Variants in FOSB observed in about 807,000 individuals in gnomAD.
FOSB encodes the protein protein FosB.
FOSB carries 8 observed loss-of-function variants against 31.1 expected under a neutral mutation model. That is an observed-to-expected ratio of 0.26 (90% CI 0.15 to 0.46). The LOEUF is 0.46. FOSB is among the 20% of genes least tolerant of loss of function. The pLI is 0.99. For missense variants in FOSB, 376 were observed against 460.6 expected (o/e 0.82, Z 1.68); for synonymous variants, 214 against 206.1 (o/e 1.04, Z -0.33).
In FOSB at chr19:45,468,801, G is replaced by T; in HGVS notation, c.126+89G>T. 7.3e-7 allele frequency: 1 copy of T among 1,371,090 alleles called. No homozygotes were observed. The highest frequency in any genetic ancestry group is 9.7e-7 in the Non-Finnish European group (1 of 1,026,946). The allele number at this position is 1,371,090 out of a possible 1,614,324, so 84.9% of individuals were successfully genotyped here. ...AATAAACCCCAACCCCCACAAAAAGGCGCATCAGAACCCTAGATCTGAGAT... is the reference window on the plus strand; with the variant it reads ...AATAAACCCCAACCCCCACAAAAAGTCGCATCAGAACCCTAGATCTGAGAT... On this transcript the variant is annotated intron_variant, in intron 1 of 3. Transcript: ENST00000353609. The surrounding 1 kb of genome is among the most constrained non-coding windows in gnomAD (Gnocchi z 4.8).
At position 45,475,027 on chromosome 19, in the gene FOSB, A is replaced by G. The variant is rs1224189611; in HGVS notation, c.*2015A>G. 4 of 152,282 alleles carry G rather than the reference A, an allele frequency of 2.6e-5. No homozygotes were observed. The allele number at this position is 152,282 out of a possible 1,614,324, so 9.4% of individuals were successfully genotyped here. On this transcript the variant is annotated 3_prime_UTR_variant, in exon 4 of 4. Coordinates refer to ENST00000353609, the MANE Select transcript of FOSB (RefSeq NM_006732.3). Reference sequence around the variant, plus strand: ...GGCTTGCTCCTGCCAACCACAATTCAATGAATCCCCGACCCCCCTACCCCA... The same window carrying G: ...GGCTTGCTCCTGCCAACCACAATTCGATGAATCCCCGACCCCCCTACCCCA...
rs1364858050 is a variant in FOSB, at chr19:45,470,877, C to T, written c.375C>T (p.Thr125=). The T allele has an allele frequency of 6.2e-7, 1 of 1,614,012 alleles. No homozygotes were observed. Among genetic ancestry groups the T allele is most frequent in the East Asian group, 2.2e-5 (1 of 44,870 alleles). ...GGASGSGGPS[T]SGTTSGPGPA... ...CGAGTGGCAGTGGTGGGCCTTCCAC[C>T]AGCGGAACTACCAGTGGGCCTGGGC... Residue 125 remains threonine, a synonymous_variant, in exon 2 of 4, where the codon ACC becomes ACT. Transcript: ENST00000353609.
Position 45,468,248 on chromosome 19 carries a change from A to T in FOSB, c.-339A>T. The T allele has an allele frequency of 4.9e-6, 1 of 203,376 alleles. No homozygotes were observed. Among genetic ancestry groups the T allele is most frequent in the Non-Finnish European group, 9.8e-6 (1 of 101,932 alleles). 12.6% of individuals were successfully genotyped at this position (203,376 alleles called of 1,614,324 possible). ...GGACGCGTGGAGGAGACCGTAGCTG[A>T]AGCTGATTCTGTACAGCGGGACAGC... On this transcript the variant is annotated 5_prime_UTR_variant, in exon 1 of 4. Coordinates refer to ENST00000353609, the MANE Select transcript of FOSB (RefSeq NM_006732.3). The surrounding 1 kb of genome is among the most constrained non-coding windows in gnomAD (Gnocchi z 4.8).
Position 45,470,826 on chromosome 19 carries a change from C to T in FOSB, c.324C>T (p.Gly108=), listed in dbSNP as rs369628703. ...DMPGTSYSTP[G]MSGYSSGGAS... is the part of the protein sequence containing the mutation. ...CGGGAACCAGCTACTCCACACCAGG[C>T]ATGAGTGGCTACAGCAGTGGCGGAG... Residue 108 remains glycine (G), a synonymous_variant, in exon 2 of 4, where the codon GGC becomes GGT. Coordinates refer to ENST00000353609, the MANE Select transcript of FOSB (RefSeq NM_006732.3). 3.1e-6 allele frequency: 5 copies of T among 1,613,992 alleles called. No individual in the cohort carries two copies. In the African/African-American group the frequency reaches 6.7e-5, roughly 22 times the overall value.
chr19:45,470,467 G>A, intron 1 of FOSB, 162 bp from the exon 2 acceptor site: 1 of 679,132 alleles, frequency 1.5e-6, no homozygotes, highest in Non-Finnish European at 2.5e-6. Context: ...ACGGTGTAGT[G>A]GAAGGGTGGG....
Position 45,473,014 on chromosome 19 carries a change from C to A in FOSB, c.*2C>A. ...TCGCCCTCCCTCCTCGCTCTGTGAA[C>A]TCTTTAGACACACAAAACAAACAAA... On this transcript the variant is annotated 3_prime_UTR_variant, in exon 4 of 4. Transcript: ENST00000353609. 6.2e-7 allele frequency: 1 copy of A among 1,604,358 alleles called. No homozygotes were observed. The highest frequency in any genetic ancestry group is 1.1e-5 in the South Asian group (1 of 90,914).
Position 45,473,230 on chromosome 19 carries a change from C to G in FOSB, c.*218C>G, listed in dbSNP as rs1453376472. 1 of 471,768 alleles carries G rather than the reference C, an allele frequency of 2.1e-6. No homozygotes were observed. The highest frequency in any genetic ancestry group is 2.4e-5 in the South Asian group (1 of 41,350). The allele number at this position is 471,768 out of a possible 1,614,324, so 29.2% of individuals were successfully genotyped here. On this transcript the variant is annotated 3_prime_UTR_variant, in exon 4 of 4. Transcript: ENST00000353609. Reference sequence around the variant, plus strand: ...TCTTGTTTCTGTGCCCCGGCGAGGCCGGAGAGCTGGTGACTTTGGGGACAG... The same window carrying G: ...TCTTGTTTCTGTGCCCCGGCGAGGCGGGAGAGCTGGTGACTTTGGGGACAG...
rs1381744417 is a variant in FOSB, at chr19:45,472,974, T to C, written c.979T>C (p.Ser327Pro). ...AQRTSGSDQP[S>P]DPLNSPSLLA... The stretch of plus-strand genomic sequence containing the variant: ...ACGCACCAGCGGCAGTGACCAGCCT[T>C]CCGATCCCCTGAACTCGCCCTCCCT... The change falls in exon 4 of 4, where the codon TCC (serine) becomes CCC (proline). Residue 327 changes from serine to proline, a missense_variant. Around this residue, in one of 3 missense-constraint regions of FOSB, gnomAD observed 148 missense variants for 170.0 expected, o/e 0.87. Transcript: ENST00000353609. This position sits in a 1 kb window ranked among gnomAD's most constrained non-coding sequence, Gnocchi z 5.4. 1 of 1,612,248 alleles carries C rather than the reference T, an allele frequency of 6.2e-7. No homozygotes were observed. The highest frequency in any genetic ancestry group is 8.5e-7 in the Non-Finnish European group (1 of 1,180,008).
In FOSB at chr19:45,472,321, C is replaced by T. The variant is rs942575602; in HGVS notation, c.556-230C>T. Among the ~76,000 whole-genome samples the T allele has an allele frequency of 6.6e-6, 1 of 152,234 alleles. No individual in the cohort carries two copies. Among genetic ancestry groups the T allele is most frequent in the Non-Finnish European group, 1.5e-5 (1 of 68,050 alleles). ...AGAAACTTCCCCATAAACCTGGCCC[C>T]TTCTGTACCATCCTTTGGACAGATG... On this transcript the variant is annotated intron_variant, in intron 3 of 3. Coordinates refer to ENST00000353609, the MANE Select transcript of FOSB (RefSeq NM_006732.3). This position sits in a 1 kb window ranked among gnomAD's most constrained non-coding sequence, Gnocchi z 5.4.
Position 45,472,977 on chromosome 19 carries a change from G to T in FOSB, c.982G>T (p.Asp328Tyr). 6.2e-7 allele frequency: 1 copy of T among 1,612,004 alleles called. No individual in the cohort carries two copies. The highest frequency in any genetic ancestry group is 8.5e-7 in the Non-Finnish European group (1 of 1,180,018). The change falls in exon 4 of 4, where the codon GAT becomes TAT. Residue 328 changes from aspartate (D) to tyrosine (Y), a missense_variant. This residue lies in a region of FOSB where 148 missense variants were observed against 170.0 expected (regional missense o/e 0.87). Transcript: ENST00000353609. The surrounding 1 kb of genome is among the most constrained non-coding windows in gnomAD (Gnocchi z 5.4). ...QRTSGSDQPS[D>Y]PLNSPSLLAL ...CACCAGCGGCAGTGACCAGCCTTCCGATCCCCTGAACTCGCCCTCCCTCCT... is the reference window on the plus strand; with the variant it reads ...CACCAGCGGCAGTGACCAGCCTTCCTATCCCCTGAACTCGCCCTCCCTCCT...
rs1967802561 is a variant in FOSB, at chr19:45,475,087, T to C, written c.*2075T>C. ...TGTGGTTCTCTTTTTGTATTTTGCA[T>C]CTGACCCCGGGGGGCTGGGACAGAT... On this transcript the variant is annotated 3_prime_UTR_variant, in exon 4 of 4. Transcript: ENST00000353609. The C allele has an allele frequency of 6.6e-6, 1 of 152,600 alleles. No homozygotes were observed. Among genetic ancestry groups the C allele is most frequent in the South Asian group, 2.1e-4 (1 of 4,836 alleles). 9.5% of individuals were successfully genotyped at this position (152,600 alleles called of 1,614,324 possible).
chr19:45,470,498 G>A (rs1568613095), intron 1 of FOSB, 131 bp from the exon 2 acceptor site: 1 of 906,470 alleles, frequency 1.1e-6, no homozygotes, highest in African/African-American at 1.7e-5. Context: ...TTTTCCCTGT[G>A]ACACACACAT....
chr19:45,470,601 G>A (rs760266207), intron 1 of FOSB, 28 bp from the exon 2 acceptor site: 3 of 1,573,972 alleles, frequency 1.9e-6, no homozygotes, highest in Non-Finnish European at 1.7e-6. Flanking sequence ...GTGTGTCTAC[G>A]CCTGTGTGTG....
Position 45,468,633 on chromosome 19 carries a change from G to A in FOSB, c.47G>A (p.Ser16Asn). ...PGDYDSGSRC[S>N]SSPSAESQYL... ...GACTACGACTCCGGCTCCCGGTGCA[G>A]CTCCTCACCCTCTGCCGAGTCTCAA... Residue 16 changes from serine to asparagine, a missense_variant, in exon 1 of 4, where the codon AGC becomes AAC. Physicochemically the swap from Ser to Asn is conservative, Grantham distance 46. This residue lies in a region of FOSB where 193 missense variants were observed against 207.1 expected (regional missense o/e 0.93). Coordinates refer to ENST00000353609, the MANE Select transcript of FOSB (RefSeq NM_006732.3). The surrounding 1 kb of genome is among the most constrained non-coding windows in gnomAD (Gnocchi z 4.8). 1 of 1,613,682 alleles carries A rather than the reference G, an allele frequency of 6.2e-7. No individual in the cohort carries two copies. The highest frequency in any genetic ancestry group is 8.5e-7 in the Non-Finnish European group (1 of 1,179,898).
rs1173480217 is a variant in FOSB, at chr19:45,472,877, C to T, written c.882C>T (p.Pro294=). The T allele has an allele frequency of 6.2e-7, 1 of 1,614,094 alleles. No individual in the cohort carries two copies. Among genetic ancestry groups the T allele is most frequent in the Non-Finnish European group, 8.5e-7 (1 of 1,180,050 alleles). The change falls in exon 4 of 4, where the codon CCC becomes CCT. Residue 294 remains proline, a synonymous_variant. Transcript: ENST00000353609. The surrounding 1 kb of genome is among the most constrained non-coding windows in gnomAD (Gnocchi z 5.4). Reference sequence around the variant, plus strand: ...TTCAAGTCCTCGGCGACCCCTTCCCCGTTGTTAACCCTTCGTACACTTCTT... The same window carrying T: ...TTCAAGTCCTCGGCGACCCCTTCCCTGTTGTTAACCCTTCGTACACTTCTT... ...SEVQVLGDPF[P]VVNPSYTSSF... is the part of the protein sequence containing the mutation.
intron 1 of FOSB, among the ~76,000 whole-genome samples, chr19:45,469,700 A>G (rs1967564826): frequency 1.3e-5 from 2 of 151,988 alleles, no homozygotes; most frequent in Admixed American, 6.6e-5. Flanking sequence ...GCACACACAG[A>G]CACATTCCCA....
In FOSB at chr19:45,473,003, C is replaced by A; in HGVS notation, c.1008C>A (p.Leu336=). 1 of 1,608,240 alleles carries A rather than the reference C, an allele frequency of 6.2e-7. No individual in the cohort carries two copies. The highest frequency in any genetic ancestry group is 8.5e-7 in the Non-Finnish European group (1 of 1,179,688). The change falls in exon 4 of 4, where the codon CTC becomes CTA. Residue 336 remains leucine (L), a synonymous_variant. Transcript: ENST00000353609. Reference sequence around the variant, plus strand: ...ATCCCCTGAACTCGCCCTCCCTCCTCGCTCTGTGAACTCTTTAGACACACA... The same window carrying A: ...ATCCCCTGAACTCGCCCTCCCTCCTAGCTCTGTGAACTCTTTAGACACACA... ...PSDPLNSPSL[L]AL is the part of the protein sequence containing the mutation.
At position 45,468,801 on chromosome 19, in the gene FOSB, G is replaced by A; in HGVS notation, c.126+89G>A. On this transcript the variant is annotated intron_variant, in intron 1 of 3. Coordinates refer to ENST00000353609, the MANE Select transcript of FOSB (RefSeq NM_006732.3). This position sits in a 1 kb window ranked among gnomAD's most constrained non-coding sequence, Gnocchi z 4.8. ...AATAAACCCCAACCCCCACAAAAAG[G>A]CGCATCAGAACCCTAGATCTGAGAT... is the stretch of plus-strand genomic sequence containing the variant. The A allele has an allele frequency of 1.5e-6, 2 of 1,371,092 alleles. No homozygotes were observed. The highest frequency in any genetic ancestry group is 1.9e-6 in the Non-Finnish European group (2 of 1,026,948). 84.9% of individuals were successfully genotyped at this position (1,371,092 alleles called of 1,614,324 possible).
chr19:45,469,172 G>C (rs1054639819), intron 1 of FOSB, among the ~76,000 whole-genome samples: 1 of 152,232 alleles, frequency 6.6e-6, no homozygotes, highest in Non-Finnish European at 1.5e-5. Context: ...ATCGGGAAGA[G>C]GGGCCTCGAA....
Sources: allele counts gnomAD v4.1 joint callset (sites outside exome capture counted in the v4.1 genomes callset), GRCh38; gene constraint gnomAD v4.1.1; regional missense constraint gnomAD v4.1.1; non-coding constraint Gnocchi (gnomAD v3.1); transcripts MANE v1.5; gene names NCBI Gene and HGNC (gene_info 2026-07-23, HGNC 2026-07-21).